Variants in EP300 observed in about 807,000 individuals in gnomAD.
EP300 encodes the protein EP300 lysine acetyltransferase.
EP300 carries 31 observed loss-of-function variants against 264.0 expected under a neutral mutation model. The observed-to-expected ratio is 0.12, with a 90% CI of 0.09 to 0.16. The LOEUF (loss-of-function observed/expected upper bound fraction) is 0.16, where lower values mean the gene tolerates loss of function less well. Ranked by LOEUF, EP300 falls within the 10% of genes least tolerant of loss-of-function variation. The probability of loss-of-function intolerance (pLI) is 1.00; values close to 1 mark genes in which losing one functional copy is unlikely to be tolerated. For missense variants in EP300, 2,766 were observed against 3,052.9 expected, an observed-to-expected ratio of 0.91 and a Z score of 2.21; for synonymous variants, 1,340 against 1,045.4, an observed-to-expected ratio of 1.28 and a Z score of -5.44.
At chr22:41,132,376 C>T (rs1185930534) in intron 6 of EP300, among the ~76,000 whole-genome samples, 3 of 145,578 alleles carry the variant, frequency 2.1e-5, no homozygotes, top group Admixed American at 7.0e-5. Flanking sequence ...CAACCTCTGC[C>T]TCCCGGGTTC....
At chr22:41,161,676 C>G (rs2059109369) in intron 20 of EP300, among the ~76,000 whole-genome samples, 1 of 152,058 alleles carries the variant, frequency 6.6e-6, no homozygotes, top group African/African-American at 2.4e-5. Flanking sequence ...CATTAGAATT[C>G]AAACTGGGAC....
intron 1 of EP300, among the ~76,000 whole-genome samples, chr22:41,097,058 A>T (rs994352103): frequency 6.6e-6 from 1 of 152,222 alleles, no homozygotes; most frequent in Non-Finnish European, 1.5e-5. Flanking sequence ...GAATGTTTAC[A>T]TAAGAGTTTG....
chr22:41,098,235 T>C (rs2058712681), intron 1 of EP300, among the ~76,000 whole-genome samples: 1 of 152,212 alleles, frequency 6.6e-6, no homozygotes, highest in Admixed American at 6.5e-5. Context: ...GAAATTTTCA[T>C]GGGAAATTAC....
At chr22:41,151,091 A>C (rs910374700) in intron 14 of EP300, among the ~76,000 whole-genome samples, 34 of 152,098 alleles carry the variant, frequency 2.2e-4, no homozygotes, top group African/African-American at 7.5e-4. Context: ...AGAAGCTTCT[A>C]CTTTGATACC....
chr22:41,131,666 G>A (rs1249993274), intron 6 of EP300, 33 bp downstream of exon 6: 2 of 1,613,728 alleles, frequency 1.2e-6, no homozygotes, highest in Non-Finnish European at 1.7e-6. Context: ...ACATGGTATT[G>A]GTTGTGTCAG....
chr22:41,117,112 T>G, intron 1 of EP300, 75 bp from the exon 2 acceptor site: 1 of 1,255,036 alleles, frequency 8.0e-7, no homozygotes, highest in Non-Finnish European at 1.2e-6. Flanking sequence ...TTAATGCTTA[T>G]TGAGAACAAT....
At position 41,103,722 on chromosome 22, in the gene EP300, AAG is replaced by A. The variant is rs368068100; in HGVS notation, c.94+10628_94+10629del. Among the ~76,000 whole-genome samples, 384 of 152,318 alleles carry A rather than the reference AAG, an allele frequency of 2.5e-3. 4 individuals are homozygous for A. The highest frequency in any genetic ancestry group is 0.01 in the Middle Eastern group (3 of 294). Reference sequence around the variant, plus strand: ...AAGGATGTTGGGGTTCTATTGTGGAAAGAGAAATATGCTAAGGAATTTGCCAT... The same window carrying A: ...AAGGATGTTGGGGTTCTATTGTGGAAAGAAATATGCTAAGGAATTTGCCAT... On this transcript the variant is annotated intron_variant, in intron 1 of 30. Transcript: ENST00000263253.
intron 10 of EP300, among the ~76,000 whole-genome samples, chr22:41,144,380 G>A (rs1245170545): frequency 6.6e-6 from 1 of 151,724 alleles, no homozygotes; most frequent in African/African-American, 2.4e-5. Flanking sequence ...TTTTGAGATG[G>A]GGTCTGTTTC....
At chr22:41,120,447 G>A (rs758986418) in intron 2 of EP300, among the ~76,000 whole-genome samples, 3 of 152,176 alleles carry the variant, frequency 2.0e-5, no homozygotes, top group Non-Finnish European at 4.4e-5. Context: ...CCTAAGACTT[G>A]TGATATTTAA....
chr22:41,140,756 C>T (rs1049769599), intron 9 of EP300, among the ~76,000 whole-genome samples: 1 of 152,144 alleles, frequency 6.6e-6, no homozygotes, highest in Admixed American at 6.6e-5. Flanking sequence ...CGGGATTGCG[C>T]TGCTGGTGAC....
Position 41,150,074 on chromosome 22 carries a change from A to C in EP300, c.2693A>C (p.Gln898Pro). The C allele has an allele frequency of 6.2e-7, 1 of 1,613,884 alleles. No individual in the cohort carries two copies. The highest frequency in any genetic ancestry group is 8.5e-7 in the Non-Finnish European group (1 of 1,180,034). Residue 898 changes from glutamine (Q) to proline (P), a missense_variant, in exon 14 of 31, where the codon CAG (glutamine) becomes CCG (proline). Physicochemically the swap from Gln to Pro is moderately conservative, Grantham distance 76. Transcript: ENST00000263253. ...PPTTQLPQQV[Q>P]PSLPAAPSAD... is the part of the protein sequence containing the mutation. ...ACAACACAACTTCCCCAACAAGTGCAGCCTTCACTTCCTGCTGCACCTTCT... is the reference window on the plus strand; with the variant it reads ...ACAACACAACTTCCCCAACAAGTGCCGCCTTCACTTCCTGCTGCACCTTCT...
chr22:41,114,532 A>G (rs2058811101), intron 1 of EP300, among the ~76,000 whole-genome samples: 1 of 152,182 alleles, frequency 6.6e-6, no homozygotes, highest in African/African-American at 2.4e-5. Context: ...GGAAAGAGTA[A>G]TTCTGTAAAA....
chr22:41,097,413 G>T (rs556558278), intron 1 of EP300, among the ~76,000 whole-genome samples: 7 of 152,106 alleles, frequency 4.6e-5, no homozygotes, highest in Admixed American at 2.6e-4. Flanking sequence ...GCATTATTTT[G>T]TGTTTTTCTT....
At chr22:41,154,497 T>C (rs1035871639) in intron 16 of EP300, among the ~76,000 whole-genome samples, 1 of 149,350 alleles carries the variant, frequency 6.7e-6, no homozygotes, top group Non-Finnish European at 1.5e-5. Flanking sequence ...TTCTCTTGCC[T>C]CAAGCCTCCT....
At position 41,107,261 on chromosome 22, in the gene EP300, T is replaced by G. The variant is rs890417933; in HGVS notation, c.95-9926T>G. The stretch of plus-strand genomic sequence containing the variant: ...GGGAGGAGGAGCAGTAGATGGATTC[T>G]GTCTTCTAAGTGGGATTTGAGAATT... On this transcript the variant is annotated intron_variant, in intron 1 of 30. Coordinates refer to ENST00000263253, the MANE Select transcript of EP300 (RefSeq NM_001429.4). Among the ~76,000 whole-genome samples, 3 of 152,190 alleles carry G rather than the reference T, an allele frequency of 2.0e-5. No homozygotes were observed. The South Asian group carries it at 6.2e-4, about 31-fold the overall frequency.
rs781696301 is a variant in EP300 at position 41,164,091 on chromosome 22, A to G, written c.3767A>G (p.Gln1256Arg). Residue 1256 changes from glutamine to arginine, a missense_variant, in exon 22 of 31, where the codon CAG (glutamine) becomes CGG (arginine). Gln to Arg is a conservative substitution (Grantham distance 43, BLOSUM62 1). Transcript: ENST00000263253. ...ACAGAGTGCGGAAGAAAGATGCATCAGATCTGTGTCCTTCACCATGAGATC... is the reference window on the plus strand; with the variant it reads ...ACAGAGTGCGGAAGAAAGATGCATCGGATCTGTGTCCTTCACCATGAGATC... ...ECTECGRKMH[Q>R]ICVLHHEIIW... is the part of the protein sequence containing the mutation. 6.2e-7 allele frequency: 1 copy of G among 1,614,156 alleles called. No individual in the cohort carries two copies. Among genetic ancestry groups the G allele is most frequent in the East Asian group, 2.2e-5 (1 of 44,866 alleles).
At chr22:41,118,239 GTTATTT>G (rs1184338937) in intron 2 of EP300, among the ~76,000 whole-genome samples, 1 of 152,152 alleles carries the variant, frequency 6.6e-6, no homozygotes, top group Admixed American at 6.5e-5. Context: ...TGTATTAACT[GTTATTT>G]TTCTTTATTG....
At chr22:41,108,986 G>A (rs1286446909) in intron 1 of EP300, among the ~76,000 whole-genome samples, 2 of 152,086 alleles carry the variant, frequency 1.3e-5, no homozygotes, top group African/African-American at 4.8e-5. Flanking sequence ...AAAAATACTT[G>A]CTGGCCCAGC....
chr22:41,166,518 T>C, intron 22 of EP300, 81 bp from the exon 23 acceptor site: 1 of 1,112,476 alleles, frequency 9.0e-7, no homozygotes. Flanking sequence ...TGCTAGATTG[T>C]CTTTTGAATT....
Sources: allele counts gnomAD v4.1 joint callset (sites outside exome capture counted in the v4.1 genomes callset), GRCh38; gene constraint gnomAD v4.1.1; transcripts MANE v1.5; gene names NCBI Gene and HGNC (gene_info 2026-07-23, HGNC 2026-07-21).